ARHGEF3: variants seen among roughly 807,000 people sequenced by gnomAD.
ARHGEF3 encodes the protein Rho guanine nucleotide exchange factor 3.
In ARHGEF3, 28 loss-of-function variants were observed where a neutral mutation model predicts 63.2. The ratio of observed to expected loss-of-function variants is 0.44; its 90% CI spans 0.33 to 0.61. The LOEUF (loss-of-function observed/expected upper bound fraction) is 0.61. Ranked by LOEUF, ARHGEF3 falls within the 20% of genes least tolerant of loss-of-function variation. The probability of loss-of-function intolerance (pLI) is 0.03; values close to 1 mark genes in which losing one functional copy is unlikely to be tolerated. For synonymous variants in ARHGEF3, 266 were observed against 254.2 expected (o/e 1.05, Z -0.44); for missense variants, 533 against 659.3 (o/e 0.81, Z 2.10).
intron 3 of ARHGEF3, among the ~76,000 whole-genome samples, chr3:56,931,712 A>G (rs372255815): frequency 3.3e-5 from 5 of 151,262 alleles, no homozygotes; most frequent in African/African-American, 1.2e-4. Flanking sequence ...TTTTTCTCTG[A>G]TTTTTCCAAA....
At chr3:56,882,513 T>C (rs940403926) in intron 3 of ARHGEF3, among the ~76,000 whole-genome samples, 3 of 137,260 alleles carry the variant, frequency 2.2e-5, no homozygotes, top group African/African-American at 8.2e-5. Flanking sequence ...CACTTCTTTT[T>C]TTTTTTTTTT....
chr3:56,915,114 T>C (rs913621894), intron 3 of ARHGEF3, among the ~76,000 whole-genome samples: 2 of 152,068 alleles, frequency 1.3e-5, no homozygotes, highest in Non-Finnish European at 2.9e-5. Context: ...AGGAACATAG[T>C]TCTGATGAGA....
intron 1 of ARHGEF3, among the ~76,000 whole-genome samples, chr3:57,058,511 G>A (rs568327451): frequency 9.2e-5 from 14 of 152,290 alleles, no homozygotes; most frequent in African/African-American, 2.6e-4. Context: ...TGGAGAGGAT[G>A]TGGAGAAATA....
At chr3:57,068,168 T>TACACATAC (rs1553820868) in intron 1 of ARHGEF3, among the ~76,000 whole-genome samples, 2 of 148,982 alleles carry the variant, frequency 1.3e-5, no homozygotes, top group East Asian at 3.9e-4. Context: ...CACACACACA[T>TACACATAC]ACACACACAC....
upstream of ARHGEF3, chr3:56,801,998 G>T: frequency 1.4e-6 from 2 of 1,474,792 alleles, no homozygotes; most frequent in Non-Finnish European, 1.8e-6. Context: ...GCCTTGATGG[G>T]TGGGGAGGGG....
chr3:56,897,911 A>G (rs535077188), intron 3 of ARHGEF3, among the ~76,000 whole-genome samples: 11 of 151,340 alleles, frequency 7.3e-5, no homozygotes, highest in Non-Finnish European at 1.6e-4. Context: ...ACAGGGTCGC[A>G]GTTCTGTTGC....
intron 3 of ARHGEF3, among the ~76,000 whole-genome samples, chr3:56,950,479 A>G (rs567071129): frequency 4.3e-4 from 66 of 152,162 alleles, no homozygotes; most frequent in Non-Finnish European, 8.7e-4. Context: ...AGATATGAAC[A>G]GACACTTCTC....
intron 3 of ARHGEF3, among the ~76,000 whole-genome samples, chr3:56,901,684 T>C (rs79165823): frequency 2.4e-3 from 363 of 151,740 alleles, no homozygotes; most frequent in African/African-American, 8.4e-3. Flanking sequence ...CCTGGGCTCA[T>C]GTGATCCTTC....
chr3:56,753,431 C>T, intron 4 of ARHGEF3, 73 bp downstream of exon 4: 1 of 1,295,066 alleles, frequency 7.7e-7, no homozygotes. Context: ...CACGAAGCAC[C>T]ACTTTAGGGT....
chr3:56,940,529 G>A (rs1226612111), intron 3 of ARHGEF3: 2 of 152,086 alleles, frequency 1.3e-5, no homozygotes. Flanking sequence ...CAATGTTCCT[G>A]GCATATTTTT....
intron 1 of ARHGEF3, among the ~76,000 whole-genome samples, chr3:57,061,425 A>G (rs536089174): frequency 6.6e-6 from 1 of 152,220 alleles, no homozygotes; most frequent in African/African-American, 2.4e-5. Flanking sequence ...GGCCTCCCAA[A>G]GTGCCAGCAT....
intron 3 of ARHGEF3, among the ~76,000 whole-genome samples, chr3:56,933,619 G>A (rs945013308): frequency 5.9e-5 from 9 of 151,894 alleles, no homozygotes; most frequent in South Asian, 2.1e-4. Context: ...AGGATTTCAC[G>A]ATGTTACCCA....
chr3:56,749,146 T>C (rs1304315740), intron 6 of ARHGEF3, among the ~76,000 whole-genome samples: 4 of 152,140 alleles, frequency 2.6e-5, no homozygotes, highest in African/African-American at 4.8e-5. Flanking sequence ...AAGGGCCATT[T>C]CTCACGAAGT....
chr3:56,883,018 T>C (rs1487670566), intron 3 of ARHGEF3, among the ~76,000 whole-genome samples: 4 of 152,148 alleles, frequency 2.6e-5, no homozygotes, highest in Non-Finnish European at 5.9e-5. Flanking sequence ...GAAGAGGAGA[T>C]TAGATTGGAA....
chr3:56,969,246 A>ATATATTCAGGACATAGC (rs1553794724), intron 2 of ARHGEF3, among the ~76,000 whole-genome samples: 1 of 148,972 alleles, frequency 6.7e-6, no homozygotes. Flanking sequence ...TACCCTATTC[A>ATATATTCAGGACATAGC]AAACAATTCC....
At chr3:57,001,947 G>A (rs541871622) in intron 2 of ARHGEF3, among the ~76,000 whole-genome samples, 8 of 123,734 alleles carry the variant, frequency 6.5e-5, no homozygotes, top group Middle Eastern at 5.4e-3. Flanking sequence ...GTTTTGAGAC[G>A]GAGTCTCACT....
At chr3:56,924,182 C>T (rs2042220939) in intron 3 of ARHGEF3, among the ~76,000 whole-genome samples, 1 of 152,206 alleles carries the variant, frequency 6.6e-6, no homozygotes, top group Admixed American at 6.5e-5. Flanking sequence ...AAACATGCTA[C>T]CCCACACCTG....
intron 1 of ARHGEF3, among the ~76,000 whole-genome samples, chr3:56,783,682 C>T (rs755886483): frequency 7.9e-5 from 12 of 152,200 alleles, no homozygotes; most frequent in Non-Finnish European, 1.5e-4. Flanking sequence ...CAAACATAAT[C>T]TCTAAGCAGA....
chr3:56,993,565 G>A (rs1413831784), intron 2 of ARHGEF3, among the ~76,000 whole-genome samples: 1 of 151,074 alleles, frequency 6.6e-6, no homozygotes, highest in Non-Finnish European at 1.5e-5. Context: ...TGTAGAGACG[G>A]TGTCTCCCTA....
Sources: allele counts gnomAD v4.1 joint callset (sites outside exome capture counted in the v4.1 genomes callset), GRCh38; gene constraint gnomAD v4.1.1; transcripts MANE v1.5; gene names NCBI Gene and HGNC (gene_info 2026-07-23, HGNC 2026-07-21).